Variants in GLRA1 observed in about 807,000 individuals in gnomAD.
GLRA1 encodes glycine receptor alpha 1.
GLRA1 carries 37 observed loss-of-function variants against 48.3 expected under a neutral mutation model. The observed-to-expected ratio is 0.77, with a 90% CI of 0.59 to 1.01. The LOEUF (loss-of-function observed/expected upper bound fraction) is 1.01, where lower values mean the gene tolerates loss of function less well. Ranked by LOEUF, GLRA1 falls within the 50% of genes least tolerant of loss-of-function variation. The pLI, the probability that GLRA1 is intolerant of heterozygous loss-of-function variation, is 0.00. For missense variants in GLRA1, 427 were observed against 571.0 expected, an observed-to-expected ratio of 0.75 and a Z score of 2.57; for synonymous variants, 196 against 210.7, an observed-to-expected ratio of 0.93 and a Z score of 0.60.
intron 1 of GLRA1, among the ~76,000 whole-genome samples, chr5:151,913,426 A>G (rs866171648): frequency 6.6e-6 from 1 of 152,328 alleles, no homozygotes; most frequent in South Asian, 2.1e-4. Flanking sequence ...TGTACTGCTT[A>G]TGGACAATGA....
intron 7 of GLRA1, among the ~76,000 whole-genome samples, chr5:151,831,687 C>T (rs1167798852): frequency 6.6e-6 from 1 of 152,216 alleles, no homozygotes; most frequent in African/African-American, 2.4e-5. Flanking sequence ...CTCTCTGGGA[C>T]AAAGCACCTG....
chr5:151,865,107 T>C (rs1753297867), intron 3 of GLRA1, among the ~76,000 whole-genome samples: 1 of 152,200 alleles, frequency 6.6e-6, no homozygotes, highest in Non-Finnish European at 1.5e-5. Flanking sequence ...AGTTTTATTT[T>C]TTCCAGCAAC....
At chr5:151,881,368 T>C (rs1407669757) in intron 3 of GLRA1, among the ~76,000 whole-genome samples, 1 of 150,940 alleles carries the variant, frequency 6.6e-6, no homozygotes. Flanking sequence ...TGCCCAGTCT[T>C]GAGTGCAGTG....
chr5:151,871,646 C>T (rs1438486817), intron 3 of GLRA1, among the ~76,000 whole-genome samples: 15 of 148,832 alleles, frequency 1.0e-4, no homozygotes, highest in Admixed American at 2.0e-4. Context: ...CTGCAAGCTC[C>T]GCCTCCTGGG....
At chr5:151,841,106 T>C (rs1288231974) in intron 7 of GLRA1, among the ~76,000 whole-genome samples, 4 of 152,092 alleles carry the variant, frequency 2.6e-5, no homozygotes, top group African/African-American at 4.8e-5. Context: ...ATGGAGTATT[T>C]TCAGAATAAA....
intron 3 of GLRA1, among the ~76,000 whole-genome samples, chr5:151,881,282 T>A (rs1243258407): frequency 6.6e-6 from 1 of 151,844 alleles, no homozygotes; most frequent in African/African-American, 2.4e-5. Context: ...AGGATTCCCT[T>A]TCCTCTTTTC....
chr5:151,868,764 A>T (rs1022296804), intron 3 of GLRA1, among the ~76,000 whole-genome samples: 3 of 152,092 alleles, frequency 2.0e-5, no homozygotes, highest in Non-Finnish European at 4.4e-5. Context: ...CTAGTGCTTT[A>T]TTTCTGCCTC....
chr5:151,823,778 G>A (rs1177880290), intron 8 of GLRA1, among the ~76,000 whole-genome samples: 3 of 152,016 alleles, frequency 2.0e-5, no homozygotes, highest in African/African-American at 4.8e-5. Context: ...GCCTTCTCAC[G>A]TCCCTTCCTT....
At chr5:151,877,124 G>A (rs574270127) in intron 3 of GLRA1, among the ~76,000 whole-genome samples, 2 of 152,288 alleles carry the variant, frequency 1.3e-5, no homozygotes, top group South Asian at 2.1e-4. Context: ...CCAATCTGTG[G>A]TACTTTGTTA....
At chr5:151,909,571 G>A (rs1278093995) in intron 1 of GLRA1, among the ~76,000 whole-genome samples, 3 of 152,132 alleles carry the variant, frequency 2.0e-5, no homozygotes, top group East Asian at 1.9e-4. Flanking sequence ...CCCAATTTAT[G>A]TACTGTTATT....
rs546532135 is a variant in GLRA1 at position 151,897,066 on chromosome 5, A to C, written c.57-4628T>G. ...ATGATTTATTGTTATTATGTCAGTC[A>C]CTTAAAATCCTCCCCCTCCCTCACT... is the stretch of plus-strand genomic sequence containing the variant. On this transcript the variant is annotated intron_variant, in intron 1 of 8. Coordinates refer to ENST00000274576, the MANE Select transcript of GLRA1 (RefSeq NM_000171.4). Among the ~76,000 whole-genome samples the C allele has an allele frequency of 2.6e-5, 4 of 152,298 alleles. No homozygotes were observed. The East Asian group carries it at 7.7e-4, about 29-fold the overall frequency.
At chr5:151,880,750 C>A (rs1581640226) in intron 3 of GLRA1, among the ~76,000 whole-genome samples, 1 of 152,262 alleles carries the variant, frequency 6.6e-6, no homozygotes, top group African/African-American at 2.4e-5. Context: ...CACTTGTATT[C>A]ATATGCACAC....
chr5:151,875,915 G>T (rs1027885259), intron 3 of GLRA1, among the ~76,000 whole-genome samples: 122 of 152,298 alleles, frequency 8.0e-4, no homozygotes, highest in Non-Finnish European at 6.0e-4. Flanking sequence ...GGAAAAATTT[G>T]GGTGAATCAA....
chr5:151,849,521 T>TTTTC (rs1055695372), intron 7 of GLRA1, among the ~76,000 whole-genome samples: 1 of 131,164 alleles, frequency 7.6e-6, no homozygotes, highest in Non-Finnish European at 1.6e-5. Context: ...TTCTTTCTTT[T>TTTTC]TTTCTTTCTT....
chr5:151,920,897 C>T (rs1295189917), intron 1 of GLRA1, among the ~76,000 whole-genome samples: 1 of 152,136 alleles, frequency 6.6e-6, no homozygotes, highest in Non-Finnish European at 1.5e-5. Flanking sequence ...ATGGAGAAGC[C>T]ACAGGGGCCA....
chr5:151,889,582 G>A (rs910246491), intron 2 of GLRA1, among the ~76,000 whole-genome samples: 4 of 152,190 alleles, frequency 2.6e-5, no homozygotes, highest in African/African-American at 9.7e-5. Context: ...GTGTTTTCAC[G>A]AGGGTCAGGA....
At chr5:151,842,281 A>C (rs1263588190) in intron 7 of GLRA1, among the ~76,000 whole-genome samples, 1 of 152,008 alleles carries the variant, frequency 6.6e-6, no homozygotes, top group Non-Finnish European at 1.5e-5. Context: ...TATTACCCTG[A>C]TAACAACACC....
At chr5:151,877,045 G>A (rs1428277294) in intron 3 of GLRA1, among the ~76,000 whole-genome samples, 2 of 152,138 alleles carry the variant, frequency 1.3e-5, no homozygotes, top group Non-Finnish European at 2.9e-5. Flanking sequence ...ACCAACTCTG[G>A]TGGCACCTGG....
At chr5:151,901,520 G>A (rs1382263562) in intron 1 of GLRA1, among the ~76,000 whole-genome samples, 1 of 152,246 alleles carries the variant, frequency 6.6e-6, no homozygotes, top group African/African-American at 2.4e-5. Context: ...GAGTTGGACA[G>A]AAGAGCAAAT....
Sources: allele counts gnomAD v4.1 joint callset (sites outside exome capture counted in the v4.1 genomes callset), GRCh38; gene constraint gnomAD v4.1.1; transcripts MANE v1.5; gene names NCBI Gene and HGNC (gene_info 2026-07-23, HGNC 2026-07-21).